Variants in DNMBP observed in about 807,000 individuals in gnomAD.
The protein encoded by DNMBP is dynamin-binding protein.
A neutral mutation model predicts 150.0 loss-of-function variants in DNMBP; 87 were observed. The observed-to-expected ratio is 0.58, with a 90% CI of 0.49 to 0.69. DNMBP has a LOEUF of 0.69. Ranked by LOEUF, DNMBP falls within the 30% of genes least tolerant of loss-of-function variation. DNMBP has a pLI of 0.00. For synonymous variants in DNMBP, 711 were observed against 750.4 expected, an observed-to-expected ratio of 0.95 and a Z score of 0.86; for missense variants, 1,774 against 1,949.0, an observed-to-expected ratio of 0.91 and a Z score of 1.69.
intron 11 of DNMBP, among the ~76,000 whole-genome samples, chr10:99,893,404 T>C (rs1275185614): frequency 6.6e-6 from 1 of 152,212 alleles, no homozygotes; most frequent in African/African-American, 2.4e-5. Context: ...AAATATATTA[T>C]GACTTGTCCA....
chr10:99,918,923 A>C (rs1012351392), intron 4 of DNMBP, among the ~76,000 whole-genome samples: 2 of 152,254 alleles, frequency 1.3e-5, no homozygotes, highest in Non-Finnish European at 2.9e-5. Context: ...TTTAGGCAGC[A>C]TAAGTAAAAT....
At chr10:99,899,790 C>T (rs1337725763) in intron 7 of DNMBP, 129 bp downstream of exon 7, 4 of 1,084,608 alleles carry the variant, frequency 3.7e-6, no homozygotes, top group Non-Finnish European at 5.6e-6. Context: ...CAGGAAACCA[C>T]TTAAATGATA....
intron 4 of DNMBP, among the ~76,000 whole-genome samples, chr10:99,937,686 C>A (rs905545662): frequency 6.6e-6 from 1 of 152,198 alleles, no homozygotes; most frequent in East Asian, 1.9e-4. Context: ...CCAGTCCTGG[C>A]CGACCAACCC....
chr10:99,905,472 G>T (rs553420313), intron 6 of DNMBP, among the ~76,000 whole-genome samples: 1 of 152,134 alleles, frequency 6.6e-6, no homozygotes, highest in African/African-American at 2.4e-5. Context: ...GCTGCAGAGT[G>T]GGTCACACCT....
chr10:99,877,092 C>CGTATCATT lies in DNMBP; in HGVS notation c.*58_*59insAATGATAC. On this transcript the variant is annotated 3_prime_UTR_variant, in exon 17 of 17. Transcript: ENST00000324109. ...AGCAGGCGCCCTCTCGGTGGGCCGC[C>CGTATCATT]AGAACCCTCGGCGGACTGAAAGCAA... 19 of 1,383,298 alleles carry CGTATCATT rather than the reference C, an allele frequency of 1.4e-5. No individual in the cohort carries two copies. The highest frequency in any genetic ancestry group is 1.6e-5 in the Non-Finnish European group (17 of 1,056,862). The allele number at this position is 1,383,298 out of a possible 1,614,324, so 85.7% of individuals were successfully genotyped here. A position where few individuals can be genotyped will look rare whatever the true frequency, so the allele number is the denominator to read the frequency against.
intron 1 of DNMBP, among the ~76,000 whole-genome samples, chr10:100,006,696 A>G (rs2041075503): frequency 7.7e-6 from 1 of 129,378 alleles, no homozygotes; most frequent in Non-Finnish European, 1.6e-5. Context: ...CCCAACCCAC[A>G]TCCACACTGA....
chr10:99,889,217 G>C (rs969953507), intron 11 of DNMBP: 13 of 291,854 alleles, frequency 4.5e-5, no homozygotes, highest in Non-Finnish European at 8.3e-5. Context: ...GTCCCTAATA[G>C]GGTTTCTTAA....
At chr10:99,879,101 A>AAAAACAAAAAAAAAAAC (rs1554857510) in intron 16 of DNMBP, among the ~76,000 whole-genome samples, 1 of 135,084 alleles carries the variant, frequency 7.4e-6, no homozygotes, top group African/African-American at 3.2e-5. Flanking sequence ...AAAAAAAAAA[A>AAAAACAAAAAAAAAAAC]CCCAAAACGT....
chr10:99,884,238 C>T (rs2039420845), intron 14 of DNMBP, 29 bp from the exon 15 acceptor site: 3 of 1,590,972 alleles, frequency 1.9e-6, no homozygotes, highest in Non-Finnish European at 2.6e-6. Flanking sequence ...ACAAAAATCT[C>T]TCAGTGGCCA....
intron 1 of DNMBP, among the ~76,000 whole-genome samples, chr10:99,974,324 T>C (rs1437006228): frequency 6.6e-6 from 1 of 152,154 alleles, no homozygotes; most frequent in Non-Finnish European, 1.5e-5. Context: ...GATGTGTCCA[T>C]TACCTTGATG....
At chr10:99,881,893 C>T (rs1301408270) in intron 15 of DNMBP, among the ~76,000 whole-genome samples, 1 of 152,090 alleles carries the variant, frequency 6.6e-6, no homozygotes, top group Non-Finnish European at 1.5e-5. Flanking sequence ...TAGATAGGGA[C>T]CACAATCCCT....
At chr10:99,934,619 T>TAGC (rs1024016998) in intron 4 of DNMBP, among the ~76,000 whole-genome samples, 12 of 136,018 alleles carry the variant, frequency 8.8e-5, no homozygotes, top group African/African-American at 3.4e-4. Flanking sequence ...AAGAAGCCAT[T>TAGC]AGCAGTAGGC....
At chr10:99,904,373 C>A (rs187107283) in intron 6 of DNMBP, among the ~76,000 whole-genome samples, 1 of 152,080 alleles carries the variant, frequency 6.6e-6, no homozygotes, top group African/African-American at 2.4e-5. Flanking sequence ...TCAGGTAAAG[C>A]GAGTACTTTC....
chr10:99,898,629 G>T, intron 8 of DNMBP, 114 bp downstream of exon 8: 1 of 1,126,188 alleles, frequency 8.9e-7, no homozygotes, highest in Non-Finnish European at 1.3e-6. Flanking sequence ...ACCCAGCAAG[G>T]TGAGTCTACT....
At chr10:99,877,924 C>A (rs1447262926) in intron 16 of DNMBP, among the ~76,000 whole-genome samples, 4 of 152,036 alleles carry the variant, frequency 2.6e-5, no homozygotes, top group Admixed American at 2.6e-4. Flanking sequence ...GAGTTTCAGA[C>A]CAGCTGGTCA....
At chr10:99,958,674 A>G (rs1364858396) in intron 3 of DNMBP, among the ~76,000 whole-genome samples, 1 of 152,240 alleles carries the variant, frequency 6.6e-6, no homozygotes, top group East Asian at 1.9e-4. Flanking sequence ...CTGATGAGAT[A>G]GTAACAAATA....
At position 99,969,123 on chromosome 10, in the gene DNMBP, AG is replaced by A; in HGVS notation, c.259del (p.Leu87SerfsTer7). 6.2e-7 allele frequency: 1 copy of A among 1,614,044 alleles called. No homozygotes were observed. Among genetic ancestry groups the A allele is most frequent in the Non-Finnish European group, 8.5e-7 (1 of 1,179,972 alleles). On this transcript the variant is annotated frameshift_variant, in exon 3 of 17. Coordinates refer to ENST00000324109, the MANE Select transcript of DNMBP (RefSeq NM_015221.4). LOFTEE classifies it high-confidence loss of function. ...FTSQELDNLP[L>X]HRGDLVILDG... ...TTTGATGAGCAGCTTACCTCGATGG[AG>A]GGGAAGATTATCCAACTCTTGGGAT...
At chr10:99,930,282 C>G in intron 4 of DNMBP, 1 of 703,018 alleles carries the variant, frequency 1.4e-6, no homozygotes, top group Non-Finnish European at 2.6e-6. Context: ...CAAACCCCTA[C>G]AGTCAGTCAA....
In DNMBP at chr10:99,997,854, G is replaced by C. The variant is rs190372102; in HGVS notation, c.-11+11984C>G. Among the ~76,000 whole-genome samples the C allele has an allele frequency of 3.7e-4, 55 of 148,354 alleles. No homozygotes were observed. In the East Asian group the frequency reaches 0.011, roughly 28 times the overall value. On this transcript the variant is annotated intron_variant, in intron 1 of 16. Transcript: ENST00000324109. ...GGGGCACAAGAATCGCTTGAATCCA[G>C]GAGGCAAAGGCTGCAGTGAGCTGAG...
Sources: gnomAD v4.1 joint callset for allele counts (sites outside exome capture counted in the v4.1 genomes callset) on GRCh38, gnomAD v4.1.1 for gene constraint, MANE v1.5 for transcripts, NCBI Gene and HGNC (gene_info 2026-07-23, HGNC 2026-07-21) for gene names.